Variants in MYO16 observed in about 807,000 individuals in gnomAD.
MYO16 encodes the protein myosin XVI.
Under a neutral mutation model 205.3 loss-of-function variants are expected in MYO16, and 94 were observed. The observed-to-expected ratio is 0.46, with a 90% CI of 0.39 to 0.54. The LOEUF is 0.54. Among genes scored for constraint, MYO16 ranks in the 20% least tolerant of loss-of-function variants. MYO16 has a pLI of 0.00. For synonymous variants in MYO16, 988 were observed against 954.0 expected (o/e 1.04, Z -0.66); for missense variants, 2,315 against 2,387.5 (o/e 0.97, Z 0.63).
chr13:108,965,826 G>A (rs545469057), intron 20 of MYO16, among the ~76,000 whole-genome samples: 32 of 152,190 alleles, frequency 2.1e-4, no homozygotes, highest in Non-Finnish European at 4.4e-4. Context: ...GTGACCTTGA[G>A]CAGACAATTG....
intron 22 of MYO16, among the ~76,000 whole-genome samples, chr13:109,019,064 G>T (rs1388880807): frequency 6.6e-6 from 1 of 151,720 alleles, no homozygotes; most frequent in East Asian, 1.9e-4. Flanking sequence ...CACCTCTTGG[G>T]GTCTAGTGAT....
Position 109,030,217 on chromosome 13 carries a change from A to G in MYO16, c.2796+10306A>G, listed in dbSNP as rs527913227. On this transcript the variant is annotated intron_variant, in intron 23 of 34. Coordinates refer to ENST00000457511, the MANE Select transcript of MYO16 (RefSeq NM_001198950.3). ...AATCACTTAATGGGAAAGTAAAAGA[A>G]TAGAAGCTCTTGCTTATAAATATTG... 4.4e-4 allele frequency among the ~76,000 whole-genome samples: 67 copies of G among 152,230 alleles called. 1 individual carries two copies. The highest frequency in any genetic ancestry group is 1.4e-3 in the African/African-American group (59 of 41,574).
the MYO16 span, among the ~76,000 whole-genome samples, chr13:108,558,807 A>G: frequency 0.031 from 4,688 of 152,268 alleles, 106 homozygotes; most frequent in Non-Finnish European, 0.045. Context: ...CAGGTGTAAT[A>G]TCCCATCCTT....
At chr13:108,700,350 AG>A (rs765079208) in intron 2 of MYO16, among the ~76,000 whole-genome samples, 2,040 of 115,432 alleles carry the variant, frequency 0.018, 62 homozygotes, top group African/African-American at 0.067. Flanking sequence ...AAAAAAAAAA[AG>A]AAGAAGAAGA....
intron 27 of MYO16, among the ~76,000 whole-genome samples, chr13:109,064,113 C>T (rs1399539455): frequency 1.3e-5 from 2 of 152,210 alleles, no homozygotes; most frequent in African/African-American, 4.8e-5. Flanking sequence ...CATCTGCTTT[C>T]ATGTGGCCTG....
intron 27 of MYO16, among the ~76,000 whole-genome samples, chr13:109,094,827 T>C (rs1594080511): frequency 6.6e-6 from 1 of 152,216 alleles, no homozygotes; most frequent in Non-Finnish European, 1.5e-5. Flanking sequence ...AGGACATGAA[T>C]TCATGCTTTT....
At chr13:108,593,106 G>A (rs1363260930), upstream of MYO16, among the ~76,000 whole-genome samples, 8 of 152,170 alleles carry the variant, frequency 5.3e-5, no homozygotes, top group Non-Finnish European at 2.9e-5. Flanking sequence ...TCATCTGTGA[G>A]GGGCCTCTTT....
At chr13:109,182,070 G>A (rs528946886) in intron 34 of MYO16, among the ~76,000 whole-genome samples, 8 of 152,000 alleles carry the variant, frequency 5.3e-5, no homozygotes, top group South Asian at 2.1e-4. Context: ...CGTCCGCCTC[G>A]GCCTCCCAAA....
At chr13:108,823,091 C>T (rs1308641870) in intron 8 of MYO16, 34 bp from the exon 9 acceptor site, 2 of 1,580,446 alleles carry the variant, frequency 1.3e-6, no homozygotes, top group Non-Finnish European at 8.6e-7. Flanking sequence ...CACCACCCAT[C>T]ATTTTTCTGA....
chr13:108,959,067 G>A lies in MYO16; in HGVS notation c.2037+1268G>A, dbSNP rs184743921. On this transcript the variant is annotated intron_variant, in intron 17 of 34. Transcript: ENST00000457511. ...GTGGGGAGGGTGGAGAGGTCCACAG[G>A]AGGAAGGGGAAGGAAGTGAGGCCCA... is the stretch of plus-strand genomic sequence containing the variant. Among the ~76,000 whole-genome samples the A allele has an allele frequency of 4.6e-5, 7 of 152,318 alleles. No individual in the cohort carries two copies. In the East Asian group the frequency reaches 1.4e-3, roughly 29 times the overall value.
At chr13:108,849,619 TTGTGTGTGTG>T (rs60404877) in intron 10 of MYO16, among the ~76,000 whole-genome samples, 2,347 of 83,820 alleles carry the variant, frequency 0.028, 135 homozygotes, top group African/African-American at 0.073. Context: ...ATTTCCTCTT[TTGTGTGTGTG>T]TGTGTGTGTG....
chr13:108,793,696 A>T, intron 6 of MYO16, 56 bp downstream of exon 6: 1 of 1,511,238 alleles, frequency 6.6e-7, no homozygotes, highest in Non-Finnish European at 9.0e-7. Context: ...AAGTTGATCT[A>T]TAAAACATAG....
chr13:108,783,299 A>C (rs1292236890), intron 4 of MYO16, among the ~76,000 whole-genome samples: 1 of 152,112 alleles, frequency 6.6e-6, no homozygotes, highest in African/African-American at 2.4e-5. Context: ...TGCCCTACTA[A>C]ATTTCAGACT....
At chr13:108,886,142 C>G (rs1211031830) in intron 13 of MYO16, among the ~76,000 whole-genome samples, 2 of 152,088 alleles carry the variant, frequency 1.3e-5, no homozygotes, top group Non-Finnish European at 1.5e-5. Flanking sequence ...CGCCCGCCAT[C>G]ACGCCCGGCT....
intron 16 of MYO16, among the ~76,000 whole-genome samples, chr13:108,936,165 C>T (rs962650224): frequency 6.6e-6 from 1 of 150,388 alleles, no homozygotes; most frequent in Middle Eastern, 3.4e-3. Flanking sequence ...TCCTTTCTCT[C>T]TCTTTCTCTT....
intron 22 of MYO16, among the ~76,000 whole-genome samples, chr13:109,010,332 G>A (rs1885549703): frequency 6.6e-6 from 1 of 152,124 alleles, no homozygotes; most frequent in African/African-American, 2.4e-5. Flanking sequence ...AGTCTAAAAG[G>A]TTAATTGCCC....
At chr13:109,023,739 A>ATG (rs1466639475) in intron 23 of MYO16, among the ~76,000 whole-genome samples, 5 of 79,014 alleles carry the variant, frequency 6.3e-5, no homozygotes, top group South Asian at 4.8e-4. Context: ...GCATATATAC[A>ATG]TATATACGTA....
chr13:109,050,082 A>G (rs1887196343), intron 24 of MYO16, among the ~76,000 whole-genome samples: 1 of 152,016 alleles, frequency 6.6e-6, no homozygotes, highest in Admixed American at 6.6e-5. Context: ...TCAGTAAATT[A>G]TCAGAATATT....
chr13:109,148,914 A>T (rs1376714791), intron 32 of MYO16, among the ~76,000 whole-genome samples: 1 of 152,214 alleles, frequency 6.6e-6, no homozygotes, highest in Non-Finnish European at 1.5e-5. Flanking sequence ...ACTGCAGGCC[A>T]ATGGATGAAT....
Sources: gnomAD v4.1 joint callset for allele counts (sites outside exome capture counted in the v4.1 genomes callset) on GRCh38, gnomAD v4.1.1 for gene constraint, MANE v1.5 for transcripts, NCBI Gene and HGNC (gene_info 2026-07-23, HGNC 2026-07-21) for gene names.